The following CDH12 variants were observed in gnomAD, a reference collection of about 807,000 sequenced individuals.
CDH12 encodes the protein cadherin 12.
A neutral mutation model predicts 74.1 loss-of-function variants in CDH12; 41 were observed. The observed-to-expected ratio is 0.55, with a 90% CI of 0.43 to 0.72. The LOEUF is 0.72. Among genes scored for constraint, CDH12 ranks in the 30% least tolerant of loss-of-function variants. The pLI, the probability that CDH12 is intolerant of heterozygous loss-of-function variation, is 0.00. For missense variants in CDH12, 945 were observed against 977.2 expected (o/e 0.97, Z 0.44); for synonymous variants, 399 against 355.0 (o/e 1.12, Z -1.39).
At position 22,282,058 on chromosome 5, in the gene CDH12, A is replaced by T. The variant is rs369904653; in HGVS notation, c.-332-69415T>A. ...TGGTACCAAAACAGATATGTAGACC[A>T]ATGGAACAGAACAGAGGCCTCACAA... On this transcript the variant is annotated intron_variant, in intron 3 of 14. Transcript: ENST00000382254. Among the ~76,000 whole-genome samples the T allele has an allele frequency of 8.5e-5, 13 of 152,140 alleles. No individual in the cohort carries two copies. The East Asian group carries it at 2.5e-3, about 30-fold the overall frequency.
chr5:22,705,130 T>TATATACACACACACACAC (rs752782183), intron 1 of CDH12, among the ~76,000 whole-genome samples: 4 of 125,616 alleles, frequency 3.2e-5, no homozygotes, highest in African/African-American at 9.1e-5. Context: ...TATATATATA[T>TATATACACACACACACAC]ACACACACAC....
At chr5:22,575,109 T>C (rs1739720000) in intron 1 of CDH12, among the ~76,000 whole-genome samples, 1 of 152,184 alleles carries the variant, frequency 6.6e-6, no homozygotes. Context: ...AGAATAGGAT[T>C]TCATGACACT....
chr5:22,331,983 T>C (rs1338805769), intron 3 of CDH12, among the ~76,000 whole-genome samples: 3 of 151,734 alleles, frequency 2.0e-5, no homozygotes, highest in East Asian at 3.9e-4. Context: ...AAAGAAAGAA[T>C]AAAAAAATGA....
At chr5:21,931,336 T>C (rs1033733610) in intron 6 of CDH12, among the ~76,000 whole-genome samples, 1 of 152,186 alleles carries the variant, frequency 6.6e-6, no homozygotes, top group Non-Finnish European at 1.5e-5. Flanking sequence ...GCTTGATTCA[T>C]ACCATCTGGG....
chr5:21,874,782 G>A (rs1751841410), intron 6 of CDH12, among the ~76,000 whole-genome samples: 1 of 152,164 alleles, frequency 6.6e-6, no homozygotes. Context: ...ATCCAGCCAG[G>A]CGGTGCCCAT....
At chr5:22,286,254 C>T (rs1467689187) in intron 3 of CDH12, among the ~76,000 whole-genome samples, 3 of 152,074 alleles carry the variant, frequency 2.0e-5, no homozygotes, top group Non-Finnish European at 4.4e-5. Flanking sequence ...TCACACAAAG[C>T]ATAAAGAGAA....
At chr5:22,452,017 T>C (rs1911961) in intron 2 of CDH12, among the ~76,000 whole-genome samples, 122,802 of 151,526 alleles carry the variant, frequency 0.81, 50,040 homozygotes, top group Admixed American at 0.89. Flanking sequence ...ATTTAACCAA[T>C]GAGGTGAAAT....
intron 4 of CDH12, among the ~76,000 whole-genome samples, chr5:22,101,286 A>T (rs962686110): frequency 5.9e-5 from 9 of 151,986 alleles, no homozygotes; most frequent in Admixed American, 5.2e-4. Context: ...TTATTTGAAC[A>T]TTTTATTCCC....
intron 6 of CDH12, among the ~76,000 whole-genome samples, chr5:21,921,857 C>T (rs1034741734): frequency 2.0e-5 from 3 of 152,176 alleles, no homozygotes; most frequent in Non-Finnish European, 2.9e-5. Flanking sequence ...AAACTGCTGG[C>T]CTTCCCCTCC....
intron 10 of CDH12, among the ~76,000 whole-genome samples, chr5:21,795,795 T>C (rs1247897685): frequency 6.6e-6 from 1 of 151,972 alleles, no homozygotes; most frequent in Non-Finnish European, 1.5e-5. Context: ...TGAACTTACG[T>C]TTTTGCACAC....
intron 5 of CDH12, among the ~76,000 whole-genome samples, chr5:21,999,648 T>C (rs1736494207): frequency 6.6e-6 from 1 of 151,866 alleles, no homozygotes; most frequent in African/African-American, 2.4e-5. Flanking sequence ...TCAAGTCTAG[T>C]GTACAGGTGC....
intron 6 of CDH12, among the ~76,000 whole-genome samples, chr5:21,875,896 A>ATT (rs34435511): frequency 0.69 from 94,799 of 136,730 alleles, 36,281 homozygotes; most frequent in Non-Finnish European, 0.84. Flanking sequence ...CTTTGCGGGC[A>ATT]TTTTTTTTTT....
At chr5:22,119,763 C>A (rs1466767503) in intron 4 of CDH12, among the ~76,000 whole-genome samples, 1 of 151,996 alleles carries the variant, frequency 6.6e-6, no homozygotes, top group East Asian at 1.9e-4. Flanking sequence ...GTGTCATTTG[C>A]ATGAGAAAGA....
chr5:22,650,019 A>C (rs1223155108), intron 1 of CDH12, among the ~76,000 whole-genome samples: 1 of 152,048 alleles, frequency 6.6e-6, no homozygotes, highest in African/African-American at 2.4e-5. Context: ...TATATAACAT[A>C]AATGTCTAAA....
chr5:21,787,076 A>T (rs904120152), intron 10 of CDH12, among the ~76,000 whole-genome samples: 12 of 152,196 alleles, frequency 7.9e-5, no homozygotes, highest in African/African-American at 2.9e-4. Context: ...GATGCTATGA[A>T]TATTGTTGAA....
intron 4 of CDH12, among the ~76,000 whole-genome samples, chr5:22,194,305 TTTC>T (rs1047301820): frequency 1.3e-5 from 1 of 76,524 alleles, no homozygotes; most frequent in Non-Finnish European, 3.4e-5. Context: ...TTTCTTTTTC[TTTC>T]TTTTTTTTTT....
Position 22,787,864 on chromosome 5 carries a change from G to A in CDH12, c.-523+65194C>T, listed in dbSNP as rs975398478. 6.6e-5 allele frequency among the ~76,000 whole-genome samples: 10 copies of A among 152,256 alleles called. No individual in the cohort carries two copies. The East Asian group carries it at 1.9e-3, about 29-fold the overall frequency. ...ATGGCAGCTGGCTTCCCTCAGTGGG[G>A]AAGAAAGCAAAAGAAGGCAAGAGAG... On this transcript the variant is annotated intron_variant, in intron 1 of 14. Coordinates refer to ENST00000382254, the MANE Select transcript of CDH12 (RefSeq NM_004061.5).
At chr5:22,791,573 A>G (rs1174345501) in intron 1 of CDH12, among the ~76,000 whole-genome samples, 2 of 152,210 alleles carry the variant, frequency 1.3e-5, no homozygotes, top group African/African-American at 4.8e-5. Context: ...ATTTTGTTCC[A>G]TAGTAACTGT....
At chr5:22,650,012 A>G (rs556290267) in intron 1 of CDH12, among the ~76,000 whole-genome samples, 4 of 152,168 alleles carry the variant, frequency 2.6e-5, no homozygotes, top group East Asian at 3.9e-4. Flanking sequence ...GGGTGTCTAT[A>G]TAACATAAAT....
Sources: gnomAD v4.1 joint callset for allele counts (sites outside exome capture counted in the v4.1 genomes callset) on GRCh38, gnomAD v4.1.1 for gene constraint, MANE v1.5 for transcripts, NCBI Gene and HGNC (gene_info 2026-07-23, HGNC 2026-07-21) for gene names.